KIF18A: variants seen among roughly 807,000 people sequenced by gnomAD.
KIF18A encodes the protein kinesin family member 18A.
A neutral mutation model predicts 103.3 loss-of-function variants in KIF18A; 67 were observed. The ratio of observed to expected loss-of-function variants is 0.65; its 90% confidence interval spans 0.53 to 0.79. KIF18A has a LOEUF of 0.79. Ranked by LOEUF, KIF18A falls within the 30% of genes least tolerant of loss-of-function variation. The pLI, the probability that KIF18A is intolerant of heterozygous loss-of-function variation, is 0.00. For synonymous variants in KIF18A, 367 were observed against 355.5 expected (o/e 1.03, Z -0.36); for missense variants, 1,032 against 1,062.5 (o/e 0.97, Z 0.40).
intron 11 of KIF18A, among the ~76,000 whole-genome samples, chr11:28,065,071 A>G (rs1850901740): frequency 6.6e-6 from 1 of 152,028 alleles, no homozygotes; most frequent in African/African-American, 2.4e-5. Flanking sequence ...GCAGTCCAAT[A>G]ATGGGGCATA....
chr11:28,021,265 A>G lies in KIF18A; in HGVS notation c.2632T>C (p.Cys878Arg). 1.4e-6 allele frequency: 2 copies of G among 1,478,748 alleles called. No individual in the cohort carries two copies. The highest frequency in any genetic ancestry group is 1.8e-6 in the Non-Finnish European group (2 of 1,105,688). The allele number at this position is 1,478,748 out of a possible 1,614,324, so 91.6% of individuals were successfully genotyped here. A position where few individuals can be genotyped will look rare whatever the true frequency, so the allele number is the denominator to read the frequency against. The stretch of plus-strand genomic sequence containing the variant: ...CTAACCATGCTTGGATTTATTTTAC[A>G]GATGTTTCTTTTATGTTCTAGAGAA... ...KPTMEHKRNI[C>R]KINPSMVRKF... Residue 878 changes from cysteine to arginine, a missense_variant, in exon 17 of 17, where the codon TGT becomes CGT. Cys to Arg is a radical substitution (Grantham distance 180). Transcript: ENST00000263181.
chr11:28,050,239 A>G (rs1850694728), intron 13 of KIF18A, among the ~76,000 whole-genome samples: 1 of 151,884 alleles, frequency 6.6e-6, no homozygotes, highest in Non-Finnish European at 1.5e-5. Flanking sequence ...AATTCACAGT[A>G]ATATTTGCAG....
At chr11:28,045,229 T>C (rs1850616112) in intron 13 of KIF18A, among the ~76,000 whole-genome samples, 2 of 152,056 alleles carry the variant, frequency 1.3e-5, no homozygotes, top group African/African-American at 4.8e-5. Flanking sequence ...GAGAAACATC[T>C]ACAAATGTAT....
intron 1 of KIF18A, among the ~76,000 whole-genome samples, chr11:28,107,354 A>G (rs1851538294): frequency 6.6e-6 from 1 of 152,018 alleles, no homozygotes; most frequent in African/African-American, 2.4e-5. Context: ...GCTTCTCTGT[A>G]ACTGAGTGAC....
At chr11:28,048,958 A>G (rs1850675517) in intron 13 of KIF18A, among the ~76,000 whole-genome samples, 1 of 152,090 alleles carries the variant, frequency 6.6e-6, no homozygotes, top group Non-Finnish European at 1.5e-5. Flanking sequence ...GCTGGACAAA[A>G]GTATGCCTAT....
At chr11:28,028,600 A>G (rs997011258) in intron 15 of KIF18A, among the ~76,000 whole-genome samples, 6 of 152,156 alleles carry the variant, frequency 3.9e-5, no homozygotes, top group African/African-American at 1.4e-4. Context: ...TTGACACCCT[A>G]ACATCACAAT....
intron 13 of KIF18A, among the ~76,000 whole-genome samples, chr11:28,055,943 G>A (rs1850774825): frequency 6.6e-6 from 1 of 152,160 alleles, no homozygotes; most frequent in South Asian, 2.1e-4. Flanking sequence ...TAGGTTGCAT[G>A]ACCATACTAA....
intron 13 of KIF18A, among the ~76,000 whole-genome samples, chr11:28,056,066 C>CTA (rs542579821): frequency 2.7e-4 from 41 of 151,324 alleles, no homozygotes; most frequent in East Asian, 5.8e-4. Flanking sequence ...ATACCTAATA[C>CTA]TATATATATA....
intron 13 of KIF18A, 82 bp from the exon 14 acceptor site, chr11:28,036,746 C>A: frequency 1.2e-5 from 9 of 767,824 alleles, no homozygotes; most frequent in East Asian, 8.3e-5. Flanking sequence ...AACTAAGAAA[C>A]CCTAATAATA....
intron 9 of KIF18A, among the ~76,000 whole-genome samples, chr11:28,079,391 G>A (rs970925414): frequency 2.0e-5 from 3 of 152,026 alleles, no homozygotes; most frequent in Non-Finnish European, 2.9e-5. Flanking sequence ...TTGATGAGAT[G>A]AAAAACCAGA....
At chr11:28,041,486 G>C (rs567597611) in intron 13 of KIF18A, among the ~76,000 whole-genome samples, 1 of 151,798 alleles carries the variant, frequency 6.6e-6, no homozygotes, top group African/African-American at 2.4e-5. Context: ...GTGAGTTAGA[G>C]GGACAGGCAG....
chr11:28,057,370 C>G (rs1850794385), intron 13 of KIF18A, among the ~76,000 whole-genome samples: 1 of 151,972 alleles, frequency 6.6e-6, no homozygotes, highest in African/African-American at 2.4e-5. Flanking sequence ...AAAAAATTAG[C>G]CAGGCATGAT....
chr11:28,036,120 A>T (rs113161766), intron 14 of KIF18A, 97 bp downstream of exon 14: 2 of 707,502 alleles, frequency 2.8e-6, no homozygotes, highest in Middle Eastern at 4.0e-4. Flanking sequence ...ACTGTTTTAT[A>T]ATCAAAATGG....
intron 10 of KIF18A, among the ~76,000 whole-genome samples, chr11:28,071,168 A>G (rs1851008422): frequency 1.3e-5 from 2 of 152,230 alleles, no homozygotes; most frequent in Non-Finnish European, 2.9e-5. Flanking sequence ...TCACAAGGTT[A>G]AAACTATCAA....
intron 13 of KIF18A, among the ~76,000 whole-genome samples, chr11:28,041,797 T>C (rs1004649974): frequency 8.6e-5 from 13 of 151,828 alleles, no homozygotes; most frequent in African/African-American, 3.1e-4. Context: ...ATAATATCTA[T>C]ATATGTAATT....
intron 13 of KIF18A, among the ~76,000 whole-genome samples, chr11:28,042,514 A>G (rs1850573737): frequency 6.6e-6 from 1 of 151,996 alleles, no homozygotes; most frequent in Non-Finnish European, 1.5e-5. Flanking sequence ...ATGCATTTTG[A>G]TCCATGTTTA....
At chr11:28,083,717 C>A (rs920557936) in intron 7 of KIF18A, among the ~76,000 whole-genome samples, 1 of 152,026 alleles carries the variant, frequency 6.6e-6, no homozygotes, top group Non-Finnish European at 1.5e-5. Flanking sequence ...ACTTAGAATT[C>A]GAACTGTTTG....
intron 13 of KIF18A, among the ~76,000 whole-genome samples, chr11:28,040,253 G>C (rs1220103571): frequency 6.6e-6 from 1 of 151,690 alleles, no homozygotes; most frequent in Non-Finnish European, 1.5e-5. Context: ...TGGGGGATCA[G>C]AAAGTTCAAT....
At chr11:28,090,773 T>A in intron 4 of KIF18A, 46 bp from the exon 5 acceptor site, 2 of 869,124 alleles carry the variant, frequency 2.3e-6, no homozygotes, top group Non-Finnish European at 3.8e-6. Context: ...CAGCAATATA[T>A]CTTTAAATTT....
Sources: gnomAD v4.1 joint callset for allele counts (sites outside exome capture counted in the v4.1 genomes callset) on GRCh38, gnomAD v4.1.1 for gene constraint, MANE v1.5 for transcripts, NCBI Gene and HGNC (gene_info 2026-07-23, HGNC 2026-07-21) for gene names.